The following HLCS variants were observed in gnomAD, a reference collection of about 807,000 sequenced individuals.
The protein encoded by HLCS is holocarboxylase synthetase.
A neutral mutation model predicts 75.0 loss-of-function variants in HLCS; 53 were observed. That is an observed-to-expected ratio of 0.71 (90% CI 0.57 to 0.89). HLCS has a LOEUF of 0.89. HLCS is among the 40% of genes least tolerant of loss of function. HLCS has a pLI of 0.00. For synonymous variants in HLCS, 431 were observed against 428.6 expected (o/e 1.01, Z -0.07); for missense variants, 966 against 1,074.0 (o/e 0.90, Z 1.41).
chr21:36,924,320 G>T (rs1031114317), intron 5 of HLCS, among the ~76,000 whole-genome samples: 2 of 152,140 alleles, frequency 1.3e-5, no homozygotes, highest in Non-Finnish European at 2.9e-5. Context: ...AGCACTTTGC[G>T]GGGCTGAGGC....
chr21:36,855,431 G>A (rs182306798), intron 6 of HLCS, among the ~76,000 whole-genome samples: 4 of 151,442 alleles, frequency 2.6e-5, no homozygotes, highest in Admixed American at 1.3e-4. Flanking sequence ...CCAGCTACTC[G>A]GGAAGCTGAG....
At chr21:36,763,928 A>G (rs959283549) in intron 8 of HLCS, among the ~76,000 whole-genome samples, 4 of 152,230 alleles carry the variant, frequency 2.6e-5, no homozygotes, top group African/African-American at 9.6e-5. Context: ...GGATCTGCAC[A>G]TTGTATGTGG....
chr21:36,935,531 A>C (rs1354583799), intron 4 of HLCS, among the ~76,000 whole-genome samples: 2 of 152,216 alleles, frequency 1.3e-5, no homozygotes, highest in Non-Finnish European at 2.9e-5. Flanking sequence ...CTCAATAAAA[A>C]GATCCCTATA....
intron 6 of HLCS, among the ~76,000 whole-genome samples, chr21:36,811,274 C>T (rs1439032200): frequency 6.6e-6 from 1 of 152,228 alleles, no homozygotes; most frequent in Non-Finnish European, 1.5e-5. Context: ...GGTACAGCTG[C>T]CATGCTCTTC....
chr21:36,803,722 GTGTTT>G (rs772121312), intron 6 of HLCS, among the ~76,000 whole-genome samples: 209 of 147,062 alleles, frequency 1.4e-3, no homozygotes, highest in Non-Finnish European at 2.3e-3. Context: ...AACTTCCAAA[GTGTTT>G]TGTTTTGTTT....
intron 5 of HLCS, among the ~76,000 whole-genome samples, chr21:36,911,344 G>A (rs185021811): frequency 1.2e-4 from 18 of 152,246 alleles, no homozygotes; most frequent in African/African-American, 4.1e-4. Flanking sequence ...CTTCTCTGGG[G>A]CCCTGATGAT....
chr21:36,816,263 G>A (rs187681401), intron 6 of HLCS, among the ~76,000 whole-genome samples: 1 of 152,114 alleles, frequency 6.6e-6, no homozygotes, highest in Non-Finnish European at 1.5e-5. Flanking sequence ...GCCAGACATG[G>A]TGCATGCCTG....
At chr21:36,919,533 G>A (rs2066071711) in intron 5 of HLCS, among the ~76,000 whole-genome samples, 1 of 152,188 alleles carries the variant, frequency 6.6e-6, no homozygotes, top group Non-Finnish European at 1.5e-5. Flanking sequence ...AAACAGATAA[G>A]ACGGTTTCCC....
chr21:36,827,340 G>A (rs1253126830), intron 6 of HLCS, among the ~76,000 whole-genome samples: 2 of 151,910 alleles, frequency 1.3e-5, no homozygotes, highest in South Asian at 2.1e-4. Context: ...ATGCCAAGGC[G>A]AGCGGATCAC....
chr21:36,768,726 A>G (rs2090129805), intron 6 of HLCS, among the ~76,000 whole-genome samples: 1 of 152,248 alleles, frequency 6.6e-6, no homozygotes, highest in African/African-American at 2.4e-5. Flanking sequence ...CATGAAATAC[A>G]GCTCAGAAGT....
chr21:36,979,560 T>A (rs1304192051), intron 1 of HLCS, among the ~76,000 whole-genome samples: 1 of 152,180 alleles, frequency 6.6e-6, no homozygotes, highest in Non-Finnish European at 1.5e-5. Flanking sequence ...TTGTGATTTT[T>A]AAAATGGTTT....
chr21:36,754,935 A>C (rs926532280), intron 10 of HLCS, among the ~76,000 whole-genome samples: 1 of 152,206 alleles, frequency 6.6e-6, no homozygotes, highest in Non-Finnish European at 1.5e-5. Context: ...AATTTTCTCA[A>C]GTTTTTATTT....
chr21:36,922,133 C>T (rs945644728), intron 5 of HLCS, among the ~76,000 whole-genome samples: 1 of 151,830 alleles, frequency 6.6e-6, no homozygotes, highest in African/African-American at 2.4e-5. Flanking sequence ...CCTCAATTCA[C>T]GAAATAAAAT....
intron 1 of HLCS, among the ~76,000 whole-genome samples, chr21:36,988,170 C>T (rs1209819468): frequency 7.2e-5 from 11 of 152,150 alleles, no homozygotes; most frequent in Admixed American, 7.2e-4. Flanking sequence ...CTTAGACTTT[C>T]ACCCCATTCT....
intron 6 of HLCS, among the ~76,000 whole-genome samples, chr21:36,828,172 TA>T (rs2062075212): frequency 6.6e-6 from 1 of 152,146 alleles, no homozygotes; most frequent in African/African-American, 2.4e-5. Context: ...GAAGGATATT[TA>T]ATGTTGTTGG....
intron 1 of HLCS, among the ~76,000 whole-genome samples, chr21:36,964,104 A>T (rs1455022252): frequency 3.3e-5 from 5 of 152,186 alleles, no homozygotes; most frequent in Admixed American, 2.6e-4. Context: ...TCATGCCTGT[A>T]ATCCCAGCTA....
Position 36,868,295 on chromosome 21 carries a change from A to AAAGAAAGAAAGAAAGAAAGAAAG in HLCS, c.1892+28564_1892+28565insCTTTCTTTCTTTCTTTCTTTCTT, listed in dbSNP as rs1569122668. Reference sequence around the variant, plus strand: ...GGAAGGAAAGAAAGAAAGAAAGAAAAAGAAAAACAGTAAGACCCCTTCTAT... The same window carrying AAAGAAAGAAAGAAAGAAAGAAAG: ...GGAAGGAAAGAAAGAAAGAAAGAAAAAAGAAAGAAAGAAAGAAAGAAAGAGAAAAACAGTAAGACCCCTTCTAT... On this transcript the variant is annotated intron_variant, in intron 6 of 10. Transcript: ENST00000674895. Among the ~76,000 whole-genome samples the AAAGAAAGAAAGAAAGAAAGAAAG allele has an allele frequency of 7.5e-3, 779 of 103,786 alleles. 7 individuals are homozygous for AAAGAAAGAAAGAAAGAAAGAAAG. The highest frequency in any genetic ancestry group is 0.034 in the African/African-American group (692 of 20,562). The allele number at this position is 103,786 out of a possible 152,430, so 68.1% of individuals were successfully genotyped here. A position where few individuals can be genotyped will look rare whatever the true frequency, so the allele number is the denominator to read the frequency against.
intron 6 of HLCS, among the ~76,000 whole-genome samples, chr21:36,891,253 G>A (rs973841566): frequency 2.6e-5 from 4 of 152,290 alleles, no homozygotes; most frequent in African/African-American, 7.2e-5. Flanking sequence ...GAAGGTGGCC[G>A]AGCAACTCAG....
At chr21:36,913,423 G>A (rs533196703) in intron 5 of HLCS, among the ~76,000 whole-genome samples, 1 of 152,072 alleles carries the variant, frequency 6.6e-6, no homozygotes, top group Middle Eastern at 3.2e-3. Context: ...GGGTAGGAGG[G>A]AGAAGGGCAG....
Sources: allele counts gnomAD v4.1 joint callset (sites outside exome capture counted in the v4.1 genomes callset), GRCh38; gene constraint gnomAD v4.1.1; transcripts MANE v1.5; gene names NCBI Gene and HGNC (gene_info 2026-07-23, HGNC 2026-07-21).